Variants in RAB11FIP4 observed in about 807,000 individuals in gnomAD.
RAB11FIP4 encodes the protein rab11 family-interacting protein 4.
A neutral mutation model predicts 74.3 loss-of-function variants in RAB11FIP4; 23 were observed. The observed-to-expected ratio is 0.31, with a 90% CI of 0.22 to 0.44. The LOEUF is 0.44. RAB11FIP4 is among the 20% of genes least tolerant of loss of function. The pLI, the probability that RAB11FIP4 is intolerant of heterozygous loss-of-function variation, is 1.00. For missense variants in RAB11FIP4, 630 were observed against 863.9 expected (o/e 0.73, Z 3.39); for synonymous variants, 360 against 359.9 (o/e 1.00, Z 0.00).
At chr17:31,508,535 A>T (rs1597967417) in intron 3 of RAB11FIP4, among the ~76,000 whole-genome samples, 1 of 152,112 alleles carries the variant, frequency 6.6e-6, no homozygotes, top group Non-Finnish European at 1.5e-5. Flanking sequence ...GCCAGGCCCC[A>T]CCGCCTTTGG....
At chr17:31,429,565 G>A (rs937511855) in intron 1 of RAB11FIP4, among the ~76,000 whole-genome samples, 13 of 152,196 alleles carry the variant, frequency 8.5e-5, no homozygotes, top group African/African-American at 3.1e-4. Context: ...GGTGGATCAC[G>A]CCTGTAATCC....
chr17:31,439,452 C>T (rs2151630775), intron 3 of RAB11FIP4, among the ~76,000 whole-genome samples: 1 of 152,350 alleles, frequency 6.6e-6, no homozygotes, highest in East Asian at 1.9e-4. Context: ...GTCCTCTGTG[C>T]TGCCCAGCTT....
rs188402419 is a variant in RAB11FIP4 at position 31,419,652 on chromosome 17, G to A, written c.160-12161G>A. Among the ~76,000 whole-genome samples, 711 of 151,242 alleles carry A rather than the reference G, an allele frequency of 4.7e-3. 6 individuals carry two copies. Among genetic ancestry groups the A allele is most frequent in the Middle Eastern group, 0.017 (5 of 294 alleles). On this transcript the variant is annotated intron_variant, in intron 1 of 14. Coordinates refer to ENST00000621161, the MANE Select transcript of RAB11FIP4 (RefSeq NM_032932.6). ...TGCAAGCTCCGCCTCCCGGGTTCAC[G>A]CCATTCTCCTGCCTCAGCCTCCCGA...
At position 31,485,456 on chromosome 17, in the gene RAB11FIP4, C is replaced by A. The variant is rs115614503; in HGVS notation, c.337-32195C>A. 7.1e-3 allele frequency among the ~76,000 whole-genome samples: 1,086 copies of A among 152,252 alleles called. 17 individuals are homozygous for A. Among genetic ancestry groups the A allele is most frequent in the African/African-American group, 0.025 (1,041 of 41,548 alleles). On this transcript the variant is annotated intron_variant, in intron 3 of 14. Transcript: ENST00000621161. ...ATTGACCTTCTCTGGGAGAGAGTCA[C>A]GACCAGAGAAGGGATGATCACCCTT... is the stretch of plus-strand genomic sequence containing the variant.
chr17:31,407,098 C>T (rs2151617812), intron 1 of RAB11FIP4, among the ~76,000 whole-genome samples: 1 of 127,740 alleles, frequency 7.8e-6, no homozygotes, highest in South Asian at 2.5e-4. Context: ...GTCACCCAGA[C>T]TGGAGTACAG....
chr17:31,409,793 G>T (rs1039829210), intron 1 of RAB11FIP4, among the ~76,000 whole-genome samples: 3 of 152,152 alleles, frequency 2.0e-5, no homozygotes, highest in Admixed American at 6.6e-5. Flanking sequence ...AACCGACTGG[G>T]TGAGTAAACA....
Position 31,434,043 on chromosome 17 carries a change from A to ATCCTC in RAB11FIP4, c.257_258insTCCTC (p.Glu86AspfsTer5), listed in dbSNP as rs2071335127. 3 of 1,583,606 alleles carry ATCCTC rather than the reference A, an allele frequency of 1.9e-6. No individual in the cohort carries two copies. In the African/African-American group the frequency reaches 4.0e-5, roughly 21 times the overall value. ...CTGCCTGTCTGCGCAGGGTGCGAGG[A>ATCCTC]GCTGCTGAAGGATGTGCTGTCGGTG... On this transcript the variant is annotated frameshift_variant, in exon 3 of 15. Transcript: ENST00000621161. LOFTEE classifies it high-confidence loss of function.
At chr17:31,501,053 A>T (rs182323054) in intron 3 of RAB11FIP4, among the ~76,000 whole-genome samples, 1 of 152,246 alleles carries the variant, frequency 6.6e-6, no homozygotes, top group East Asian at 1.9e-4. Context: ...GAAATAACTT[A>T]CTTAGATTGG....
chr17:31,495,988 G>A (rs1056644612), intron 3 of RAB11FIP4, among the ~76,000 whole-genome samples: 3 of 152,176 alleles, frequency 2.0e-5, no homozygotes, highest in African/African-American at 7.2e-5. Flanking sequence ...AAATTGGAAT[G>A]TGTCGCACAT....
At chr17:31,407,040 A>ATTTTTTTTTTTTTTTTTT (rs59919036) in intron 1 of RAB11FIP4, among the ~76,000 whole-genome samples, 1 of 51,214 alleles carries the variant, frequency 2.0e-5, no homozygotes, top group African/African-American at 7.7e-5. Flanking sequence ...GTTTCACTTG[A>ATTTTTTTTTTTTTTTTTT]TTTTTTTTTT....
chr17:31,445,562 ATATATATATATATATAT>A (rs2071449496), intron 3 of RAB11FIP4, among the ~76,000 whole-genome samples: 13 of 17,422 alleles, frequency 7.5e-4, no homozygotes, highest in Middle Eastern at 0.023. Context: ...ATATATATAT[ATATATATATATATATAT>A]TTTTTTTTTT....
At chr17:31,440,332 T>C (rs905535129) in intron 3 of RAB11FIP4, among the ~76,000 whole-genome samples, 2 of 152,220 alleles carry the variant, frequency 1.3e-5, no homozygotes, top group Non-Finnish European at 2.9e-5. Flanking sequence ...ACTTACCTTA[T>C]ATACGTAGGT....
chr17:31,413,257 T>C (rs1337350922), intron 1 of RAB11FIP4, among the ~76,000 whole-genome samples: 1 of 152,038 alleles, frequency 6.6e-6, no homozygotes, highest in Admixed American at 6.6e-5. Flanking sequence ...GTGGCCCAAC[T>C]CCTGCAGGCC....
chr17:31,443,369 T>G (rs1292583797), intron 3 of RAB11FIP4, among the ~76,000 whole-genome samples: 1 of 152,248 alleles, frequency 6.6e-6, no homozygotes, highest in Non-Finnish European at 1.5e-5. Flanking sequence ...CAATTCATCA[T>G]TCTTTTCCTT....
chr17:31,505,563 TAA>T (rs2072318041), intron 3 of RAB11FIP4, among the ~76,000 whole-genome samples: 1 of 88,704 alleles, frequency 1.1e-5, no homozygotes, highest in Non-Finnish European at 2.0e-5. Context: ...ATAATAATTA[TAA>T]TATATAATAA....
rs968182973 is a variant in RAB11FIP4, at chr17:31,531,850, A to G, written c.*118A>G. On this transcript the variant is annotated 3_prime_UTR_variant, in exon 15 of 15. Coordinates refer to ENST00000621161, the MANE Select transcript of RAB11FIP4 (RefSeq NM_032932.6). ...CACTGTAAATGTCTCTCTGGCCACC[A>G]TGCGTTACGTGTACCCGTGTATATG... The G allele has an allele frequency of 4.2e-6, 3 of 712,886 alleles. No homozygotes were observed. Among genetic ancestry groups the G allele is most frequent in the Admixed American group, 2.1e-5 (1 of 46,572 alleles). 44.2% of individuals were successfully genotyped at this position (712,886 alleles called of 1,614,324 possible). A position where few individuals can be genotyped will look rare whatever the true frequency, so the allele number is the denominator to read the frequency against.
chr17:31,476,978 G>T (rs2071800066), intron 3 of RAB11FIP4, among the ~76,000 whole-genome samples: 1 of 152,238 alleles, frequency 6.6e-6, no homozygotes, highest in African/African-American at 2.4e-5. Flanking sequence ...GTTTATTCAG[G>T]GGATAAACTT....
At chr17:31,462,736 A>C (rs2071645147) in intron 3 of RAB11FIP4, among the ~76,000 whole-genome samples, 1 of 152,142 alleles carries the variant, frequency 6.6e-6, no homozygotes, top group Admixed American at 6.5e-5. Flanking sequence ...TCCTGGGTTC[A>C]AGTGATTCTC....
chr17:31,396,009 C>T (rs1321027035), intron 1 of RAB11FIP4, among the ~76,000 whole-genome samples: 1 of 151,734 alleles, frequency 6.6e-6, no homozygotes, highest in Non-Finnish European at 1.5e-5. Context: ...TGGTGAGACC[C>T]CCCATCTCTA....
Sources: allele counts gnomAD v4.1 joint callset (sites outside exome capture counted in the v4.1 genomes callset), GRCh38; gene constraint gnomAD v4.1.1; transcripts MANE v1.5; gene names NCBI Gene and HGNC (gene_info 2026-07-23, HGNC 2026-07-21).